The following PTTG1IP2 variants were observed in gnomAD, a reference collection of about 807,000 sequenced individuals.
PTTG1IP2 encodes the protein PTTG1IP family member 2.
chr7:90,482,296 G>T (rs185865418), intron 2 of PTTG1IP2, among the ~76,000 whole-genome samples: 1 of 152,006 alleles, frequency 6.6e-6, no homozygotes, highest in African/African-American at 2.4e-5. Context: ...CCACTTCTCC[G>T]TGGACTTGGA....
chr7:90,505,042 T>A (rs937206888), intron 6 of PTTG1IP2, among the ~76,000 whole-genome samples: 1 of 152,166 alleles, frequency 6.6e-6, no homozygotes, highest in African/African-American at 2.4e-5. Flanking sequence ...AGGAAAAGAT[T>A]TGACTTCTGA....
intron 6 of PTTG1IP2, among the ~76,000 whole-genome samples, chr7:90,512,811 T>A (rs1798205829): frequency 6.6e-6 from 1 of 152,222 alleles, no homozygotes; most frequent in Non-Finnish European, 1.5e-5. Context: ...ACAGAACAGC[T>A]GCTGCTTTAC....
At chr7:90,487,160 T>A (rs1269709033) in intron 2 of PTTG1IP2, among the ~76,000 whole-genome samples, 167 bp from the exon 3 acceptor site, 1 of 152,176 alleles carries the variant, frequency 6.6e-6, no homozygotes, top group Non-Finnish European at 1.5e-5. Context: ...TTTGGATGCA[T>A]GGGTCTGACA....
intron 6 of PTTG1IP2, among the ~76,000 whole-genome samples, chr7:90,511,057 C>T (rs1318013588): frequency 6.6e-6 from 1 of 151,086 alleles, no homozygotes; most frequent in African/African-American, 2.4e-5. Flanking sequence ...AATACAAGCC[C>T]CTTGAGGGCA....
intron 1 of PTTG1IP2, among the ~76,000 whole-genome samples, chr7:90,472,666 G>T (rs1256721398): frequency 6.6e-6 from 1 of 152,140 alleles, no homozygotes; most frequent in Non-Finnish European, 1.5e-5. Flanking sequence ...AGGGGGTACT[G>T]TTATCTGGGA....
At chr7:90,500,545 G>A (rs1798050396) in intron 6 of PTTG1IP2, among the ~76,000 whole-genome samples, 1 of 152,154 alleles carries the variant, frequency 6.6e-6, no homozygotes, top group Non-Finnish European at 1.5e-5. Flanking sequence ...GTTAACTGGG[G>A]AATTCCCTCA....
At chr7:90,482,179 C>G (rs1023410250) in intron 2 of PTTG1IP2, among the ~76,000 whole-genome samples, 18 of 151,994 alleles carry the variant, frequency 1.2e-4, no homozygotes, top group African/African-American at 3.6e-4. Context: ...AGAGAAAGTG[C>G]CAGAGTTTAT....
intron 6 of PTTG1IP2, among the ~76,000 whole-genome samples, chr7:90,502,968 C>T (rs1173958092): frequency 6.6e-6 from 1 of 152,168 alleles, no homozygotes; most frequent in African/African-American, 2.4e-5. Context: ...TCCTTTCTGG[C>T]CATGATAGCC....
intron 6 of PTTG1IP2, among the ~76,000 whole-genome samples, chr7:90,505,045 A>T (rs1435692026): frequency 6.6e-6 from 1 of 152,156 alleles, no homozygotes; most frequent in African/African-American, 2.4e-5. Flanking sequence ...AAAAGATTTG[A>T]CTTCTGAAAC....
At chr7:90,498,412 C>T (rs1798022282) in intron 6 of PTTG1IP2, among the ~76,000 whole-genome samples, 1 of 152,188 alleles carries the variant, frequency 6.6e-6, no homozygotes, top group Non-Finnish European at 1.5e-5. Context: ...TATATGCTGC[C>T]TGTAGGAGAC....
At chr7:90,486,572 T>C (rs1797877150) in intron 2 of PTTG1IP2, among the ~76,000 whole-genome samples, 1 of 151,756 alleles carries the variant, frequency 6.6e-6, no homozygotes, top group African/African-American at 2.4e-5. Context: ...CATTTTCCTA[T>C]TTCTGCATGA....
intron 6 of PTTG1IP2, among the ~76,000 whole-genome samples, chr7:90,501,431 A>T (rs570353983): frequency 2.6e-5 from 4 of 152,252 alleles, no homozygotes; most frequent in Non-Finnish European, 4.4e-5. Flanking sequence ...AACTTTTGGA[A>T]GCGAGGTGAG....
At chr7:90,497,740 AAAAAGAAG>A (rs1485723386) in intron 6 of PTTG1IP2, among the ~76,000 whole-genome samples, 1 of 145,886 alleles carries the variant, frequency 6.9e-6, no homozygotes, top group African/African-American at 2.6e-5. Context: ...AAAAAAAAAA[AAAAAGAAG>A]AAGAAGAAGA....
At chr7:90,512,348 G>T (rs1485380382) in intron 6 of PTTG1IP2, among the ~76,000 whole-genome samples, 3 of 152,076 alleles carry the variant, frequency 2.0e-5, no homozygotes, top group East Asian at 3.9e-4. Flanking sequence ...GGGAAAGAAG[G>T]GTGGAGAATG....
chr7:90,513,224 G>A (rs1330819625), intron 6 of PTTG1IP2, 54 bp from the exon 7 acceptor site: 1 of 152,598 alleles, frequency 6.6e-6, no homozygotes, highest in Non-Finnish European at 1.5e-5. Context: ...GGTGAAACTT[G>A]AGAGTTAGCA....
chr7:90,470,636 C>T (rs1438588650), intron 1 of PTTG1IP2, among the ~76,000 whole-genome samples: 1 of 152,162 alleles, frequency 6.6e-6, no homozygotes, highest in Admixed American at 6.5e-5. Flanking sequence ...CTTACTAAAA[C>T]CAAATCCACA....
intron 6 of PTTG1IP2, among the ~76,000 whole-genome samples, chr7:90,503,248 G>C (rs1798082754): frequency 6.6e-6 from 1 of 152,120 alleles, no homozygotes; most frequent in African/African-American, 2.4e-5. Flanking sequence ...AGAGAGTTAG[G>C]GCCTTGTCTG....
At chr7:90,484,146 C>T (rs1258375305) in intron 2 of PTTG1IP2, among the ~76,000 whole-genome samples, 1 of 151,764 alleles carries the variant, frequency 6.6e-6, no homozygotes, top group Non-Finnish European at 1.5e-5. Context: ...ACCAATATCC[C>T]ATAATTTTAG....
chr7:90,480,116 A>T (rs1797799693), intron 2 of PTTG1IP2, among the ~76,000 whole-genome samples: 1 of 152,180 alleles, frequency 6.6e-6, no homozygotes, highest in Non-Finnish European at 1.5e-5. Flanking sequence ...GTGGGGGTCT[A>T]GATACGTGAC....
Sources: allele counts gnomAD v4.1 joint callset (sites outside exome capture counted in the v4.1 genomes callset), GRCh38; gene constraint gnomAD v4.1.1; transcripts MANE v1.5; gene names NCBI Gene and HGNC (gene_info 2026-07-23, HGNC 2026-07-21).